Variants in OSBPL11 observed in about 807,000 individuals in gnomAD.
The protein encoded by OSBPL11 is oxysterol-binding protein-related protein 11.
OSBPL11 carries 33 observed loss-of-function variants against 84.4 expected under a neutral mutation model. The ratio of observed to expected loss-of-function variants is 0.39; its 90% CI spans 0.30 to 0.52. OSBPL11 has a LOEUF of 0.52. Ranked by LOEUF, OSBPL11 falls within the 20% of genes least tolerant of loss-of-function variation. The pLI is 0.72. For missense variants in OSBPL11, 736 were observed against 901.1 expected (o/e 0.82, Z 2.35); for synonymous variants, 276 against 310.2 (o/e 0.89, Z 1.16).
intron 8 of OSBPL11, among the ~76,000 whole-genome samples, chr3:125,559,312 G>T (rs111703128): frequency 0.011 from 1,680 of 152,238 alleles, 17 homozygotes; most frequent in Non-Finnish European, 0.017. Flanking sequence ...TATACCAATG[G>T]ACTCTTTAAT....
rs553196942 is a variant in OSBPL11 at position 125,570,953 on chromosome 3, T to C, written c.667-3358A>G. Among the ~76,000 whole-genome samples, 24 of 152,292 alleles carry C rather than the reference T, an allele frequency of 1.6e-4. No individual in the cohort carries two copies. The East Asian group carries it at 4.4e-3, about 28-fold the overall frequency. On this transcript the variant is annotated intron_variant, in intron 5 of 12. Transcript: ENST00000296220. ...TGGAAGTGACTTTGGAACTGGGTAA[T>C]AGGCAGAGGTTGGAACAGTTTGGAG...
chr3:125,571,223 A>G (rs1014480702), intron 5 of OSBPL11, among the ~76,000 whole-genome samples: 2 of 152,186 alleles, frequency 1.3e-5, no homozygotes, highest in African/African-American at 4.8e-5. Context: ...GAGAGAGATG[A>G]TTTAAGTATC....
chr3:125,593,848 C>T (rs1356440503), intron 1 of OSBPL11, among the ~76,000 whole-genome samples: 2 of 152,118 alleles, frequency 1.3e-5, no homozygotes, highest in Non-Finnish European at 2.9e-5. Context: ...AAGAATTCAT[C>T]CCTTTAGTTC....
chr3:125,583,581 CAAAAAAAAAAAAA>C (rs57151123), intron 1 of OSBPL11, among the ~76,000 whole-genome samples: 52 of 44,950 alleles, frequency 1.2e-3, no homozygotes, highest in African/African-American at 3.7e-3. Context: ...ACTCCGTCTC[CAAAAAAAAAAAAA>C]AAAAAAAAAA....
Position 125,576,072 on chromosome 3 carries a change from T to C in OSBPL11, c.666+117A>G, listed in dbSNP as rs565184430. ...CGACTTAAAAATTATCTCAGCATAC[T>C]AGATAGGAAACAATGAAGGCCCTTG... is the stretch of plus-strand genomic sequence containing the variant. On this transcript the variant is annotated intron_variant, in intron 5 of 12. Coordinates refer to ENST00000296220, the MANE Select transcript of OSBPL11 (RefSeq NM_022776.5). 1.3e-5 allele frequency: 11 copies of C among 866,192 alleles called. No homozygotes were observed. In the East Asian group the frequency reaches 1.6e-4, roughly 13 times the overall value. 53.7% of individuals were successfully genotyped at this position (866,192 alleles called of 1,614,324 possible). A position where few individuals can be genotyped will look rare whatever the true frequency, so the allele number is the denominator to read the frequency against.
At chr3:125,543,384 G>A (rs114899439) in intron 10 of OSBPL11, among the ~76,000 whole-genome samples, 12,572 of 151,304 alleles carry the variant, frequency 0.083, 704 homozygotes, top group Non-Finnish European at 0.11. Context: ...CACTGGACTC[G>A]GCCTCCCAAA....
At chr3:125,539,582 T>G (rs1395242428) in intron 10 of OSBPL11, among the ~76,000 whole-genome samples, 1 of 151,770 alleles carries the variant, frequency 6.6e-6, no homozygotes, top group Non-Finnish European at 1.5e-5. Context: ...CTGGAGTAGC[T>G]GGGATTACAG....
Position 125,529,443 on chromosome 3 carries a change from T to G in OSBPL11, c.*1072A>C, listed in dbSNP as rs1935524420. On this transcript the variant is annotated 3_prime_UTR_variant, in exon 13 of 13. Transcript: ENST00000296220. ...TTCGTTGTTTCTTTAGCATTTAAAT[T>G]TCCTCAAAAAAAAAAAAAATAAATA... 9.6e-6 allele frequency: 1 copy of G among 104,198 alleles called. No individual in the cohort carries two copies. The allele number at this position is 104,198 out of a possible 1,614,324, so 6.5% of individuals were successfully genotyped here.
chr3:125,594,531 A>C, intron 1 of OSBPL11, 106 bp downstream of exon 1: 1 of 1,321,322 alleles, frequency 7.6e-7, no homozygotes, highest in Non-Finnish European at 1.0e-6. Context: ...AGCTTCTGGA[A>C]GCCAGTGAAA....
rs376516561 is a variant in OSBPL11 at position 125,567,444 on chromosome 3, T to A, written c.818A>T (p.His273Leu). 34 of 1,614,168 alleles carry A rather than the reference T, an allele frequency of 2.1e-5. No homozygotes were observed. In the South Asian group the frequency reaches 3.3e-4, roughly 16 times the overall value. The change falls in exon 6 of 13, where the codon CAT becomes CTT. Residue 273 changes from histidine (H) to leucine (L), a missense_variant. His to Leu is a moderately conservative substitution (Grantham distance 99). Around this residue, in one of 3 missense-constraint regions of OSBPL11, gnomAD observed 579 missense variants for 717.6 expected, o/e 0.81. Coordinates refer to ENST00000296220, the MANE Select transcript of OSBPL11 (RefSeq NM_022776.5). ...TGATGCATGCTGTAACTGGAGAATATGAAAGCAGTCATTTAAGCAGTTCAT... is the reference window on the plus strand; with the variant it reads ...TGATGCATGCTGTAACTGGAGAATAAGAAAGCAGTCATTTAAGCAGTTCAT... ...ATMNCLNDCFHILQLQHASHQ... is the reference protein window; with the variant it reads ...ATMNCLNDCFLILQLQHASHQ...
At chr3:125,534,023 T>C (rs9822616) in intron 11 of OSBPL11, among the ~76,000 whole-genome samples, 27,279 of 152,058 alleles carry the variant, frequency 0.18, 3,140 homozygotes, top group African/African-American at 0.33. Context: ...GACAGAGTTT[T>C]GCCATGTTAC....
Position 125,578,942 on chromosome 3 carries a change from G to T in OSBPL11, c.489+18C>A. 1.4e-6 allele frequency: 2 copies of T among 1,421,752 alleles called. No individual in the cohort carries two copies. The highest frequency in any genetic ancestry group is 1.9e-6 in the Non-Finnish European group (2 of 1,046,354). The allele number at this position is 1,421,752 out of a possible 1,614,324, so 88.1% of individuals were successfully genotyped here. ...TTCCTCATTTTTGTATATTAATATT[G>T]TATATAAATCTACATACCTTTCCAA... On this transcript the variant is annotated intron_variant, in intron 4 of 12. Transcript: ENST00000296220.
intron 8 of OSBPL11, among the ~76,000 whole-genome samples, 165 bp from the exon 9 acceptor site, chr3:125,552,844 G>A (rs550683449): frequency 5.3e-5 from 8 of 152,272 alleles, no homozygotes; most frequent in South Asian, 2.1e-4. Context: ...TTGGCCAGGC[G>A]CAGTGGCTCA....
At chr3:125,564,337 T>C (rs1486671907) in intron 6 of OSBPL11, among the ~76,000 whole-genome samples, 4 of 152,238 alleles carry the variant, frequency 2.6e-5, no homozygotes, top group Non-Finnish European at 5.9e-5. Context: ...TGCAAATACA[T>C]GTCCTTTTTC....
chr3:125,534,191 G>T (rs903403779), intron 11 of OSBPL11, among the ~76,000 whole-genome samples: 48 of 152,120 alleles, frequency 3.2e-4, no homozygotes, highest in Non-Finnish European at 6.6e-4. Flanking sequence ...GACCAGCCTG[G>T]CCAACATGGT....
At chr3:125,536,987 C>T (rs538761418) in intron 11 of OSBPL11, among the ~76,000 whole-genome samples, 1 of 151,620 alleles carries the variant, frequency 6.6e-6, no homozygotes, top group African/African-American at 2.4e-5. Flanking sequence ...GGTGAAACCC[C>T]GTCTCTACTA....
chr3:125,531,709 C>T (rs781132501), intron 12 of OSBPL11, 152 bp downstream of exon 12: 61 of 635,576 alleles, frequency 9.6e-5, no homozygotes, highest in Non-Finnish European at 1.3e-4. Context: ...ATAGGTTACC[C>T]AGGCTGGTCT....
At chr3:125,553,463 A>G (rs530500890) in intron 8 of OSBPL11, among the ~76,000 whole-genome samples, 3 of 152,124 alleles carry the variant, frequency 2.0e-5, no homozygotes, top group African/African-American at 7.2e-5. Context: ...TTATACTTAA[A>G]ACCAGGTAAG....
At position 125,547,451 on chromosome 3, in the gene OSBPL11, C is replaced by A; in HGVS notation, c.1796G>T (p.Ser599Ile). Residue 599 changes from serine to isoleucine, a missense_variant, in exon 10 of 13, where the codon AGC becomes ATC. Transcript: ENST00000296220. Reference sequence around the variant, plus strand: ...AAATGGCTTGGTATGAAAAGTGATGCTGGCTGAATATCCAGTTTTTGCACA... The same window carrying A: ...AAATGGCTTGGTATGAAAAGTGATGATGGCTGAATATCCAGTTTTTGCACA... ...VNCAKTGYSA[S>I]ITFHTKPFYG... is the part of the protein sequence containing the mutation. 1 of 1,614,082 alleles carries A rather than the reference C, an allele frequency of 6.2e-7. No individual in the cohort carries two copies. The highest frequency in any genetic ancestry group is 8.5e-7 in the Non-Finnish European group (1 of 1,180,004).
Sources: allele counts gnomAD v4.1 joint callset (sites outside exome capture counted in the v4.1 genomes callset), GRCh38; gene constraint gnomAD v4.1.1; regional missense constraint gnomAD v4.1.1; transcripts MANE v1.5; gene names NCBI Gene and HGNC (gene_info 2026-07-23, HGNC 2026-07-21).